SPTBN1: variants seen among roughly 807,000 people sequenced by gnomAD.
SPTBN1 encodes the protein spectrin beta, non-erythrocytic 1.
SPTBN1 carries 32 observed loss-of-function variants against 266.4 expected under a neutral mutation model. That is an observed-to-expected ratio of 0.12 (90% CI 0.09 to 0.16). The LOEUF (loss-of-function observed/expected upper bound fraction) is 0.16. SPTBN1 is among the 10% of genes least tolerant of loss of function. The pLI, the probability that SPTBN1 is intolerant of heterozygous loss-of-function variation, is 1.00. For missense variants in SPTBN1, 2,296 were observed against 3,067.1 expected (o/e 0.75, Z 5.94); for synonymous variants, 1,336 against 1,162.2 (o/e 1.15, Z -3.04).
At chr2:54,597,891 T>G (rs1676206575) in intron 2 of SPTBN1, among the ~76,000 whole-genome samples, 7 of 94,672 alleles carry the variant, frequency 7.4e-5, no homozygotes, top group Admixed American at 6.8e-4. Context: ...TTTTTTTTTG[T>G]AGATTCGTGT....
At chr2:54,652,063 A>G (rs1319288257) in intron 26 of SPTBN1, among the ~76,000 whole-genome samples, 2 of 152,088 alleles carry the variant, frequency 1.3e-5, no homozygotes, top group African/African-American at 4.8e-5. Flanking sequence ...AGACATCTAA[A>G]AGCTCTCATA....
intron 18 of SPTBN1, among the ~76,000 whole-genome samples, chr2:54,638,990 T>A (rs1679349948): frequency 3.3e-5 from 5 of 152,186 alleles, no homozygotes. Flanking sequence ...AGCAAAACCT[T>A]AAGAAGGAAA....
chr2:54,668,221 T>C, intron 35 of SPTBN1, 130 bp from the exon 36 acceptor site: 1 of 784,776 alleles, frequency 1.3e-6, no homozygotes, highest in Non-Finnish European at 2.1e-6. Context: ...GAGGTGCATT[T>C]GGGGACAGTG....
intron 26 of SPTBN1, 124 bp downstream of exon 26, chr2:54,650,113 A>C (rs926295114): frequency 2.4e-6 from 3 of 1,245,136 alleles, no homozygotes; most frequent in African/African-American, 1.5e-5. Flanking sequence ...AAGCACATAC[A>C]TGTACCCACT....
chr2:54,635,638 G>A (rs1679070813), intron 17 of SPTBN1, among the ~76,000 whole-genome samples: 1 of 152,232 alleles, frequency 6.6e-6, no homozygotes, highest in Non-Finnish European at 1.5e-5. Flanking sequence ...TTCCGTGAGA[G>A]GCGAGGATGT....
At chr2:54,531,219 G>A (rs1163679078) in intron 2 of SPTBN1, among the ~76,000 whole-genome samples, 5 of 152,292 alleles carry the variant, frequency 3.3e-5, no homozygotes, top group East Asian at 1.9e-4. Context: ...TACAGCCTGC[G>A]GCCTGGGACT....
Position 54,653,516 on chromosome 2 carries a change from C to T in SPTBN1, c.5578-93C>T. 2.6e-6 allele frequency: 4 copies of T among 1,533,458 alleles called. No homozygotes were observed. The highest frequency in any genetic ancestry group is 3.5e-6 in the Non-Finnish European group (4 of 1,147,540). 95.0% of individuals were successfully genotyped at this position (1,533,458 alleles called of 1,614,324 possible). On this transcript the variant is annotated intron_variant, in intron 26 of 35. Coordinates refer to ENST00000356805, the MANE Select transcript of SPTBN1 (RefSeq NM_003128.3). This position sits in a 1 kb window ranked among gnomAD's most constrained non-coding sequence, Gnocchi z 5.1. ...GGGCCATATTTTGACTCTGTGCTCCCTTTAGTGTATGAGCAGAACAGAATA... is the reference window on the plus strand; with the variant it reads ...GGGCCATATTTTGACTCTGTGCTCCTTTTAGTGTATGAGCAGAACAGAATA...
chr2:54,568,910 C>T (rs888439365), intron 2 of SPTBN1, among the ~76,000 whole-genome samples: 1 of 152,182 alleles, frequency 6.6e-6, no homozygotes, highest in African/African-American at 2.4e-5. Context: ...GTAGAATGAT[C>T]CTATATTAAA....
chr2:54,626,575 G>T lies in SPTBN1; in HGVS notation c.1644+341G>T, dbSNP rs1341608853. 1.3e-5 allele frequency among the ~76,000 whole-genome samples: 2 copies of T among 152,134 alleles called. No individual in the cohort carries two copies. The highest frequency in any genetic ancestry group is 2.4e-5 in the African/African-American group (1 of 41,414). ...CGTTTCATTGATCTGTGAGTGAGTG[G>T]TACTACTTTGGGCAGGGGTCCCGGA... is the stretch of plus-strand genomic sequence containing the variant. On this transcript the variant is annotated intron_variant, in intron 12 of 35. Transcript: ENST00000356805. The surrounding 1 kb of genome is among the most constrained non-coding windows in gnomAD (Gnocchi z 4.7).
At chr2:54,477,347 T>C (rs1159804088) in intron 1 of SPTBN1, among the ~76,000 whole-genome samples, 1 of 151,882 alleles carries the variant, frequency 6.6e-6, no homozygotes, top group Non-Finnish European at 1.5e-5. Context: ...TGGGTAAAAC[T>C]TGATAAAGAC....
At chr2:54,602,293 G>A (rs1362044081) in intron 3 of SPTBN1, among the ~76,000 whole-genome samples, 1 of 152,192 alleles carries the variant, frequency 6.6e-6, no homozygotes, top group East Asian at 1.9e-4. Context: ...TGGCCACTTA[G>A]TAATTAGACC....
chr2:54,666,237 G>A (rs979924797), intron 34 of SPTBN1, 149 bp downstream of exon 34: 34 of 873,474 alleles, frequency 3.9e-5, no homozygotes, highest in Non-Finnish European at 4.9e-5. Flanking sequence ...AGTTTGGCAC[G>A]TGTCTCGGTT....
rs78035955 is a variant in SPTBN1, at chr2:54,504,307, A to G, written c.-47-22065A>G. On this transcript the variant is annotated intron_variant, in intron 1 of 35. Transcript: ENST00000356805. ...AAAAACCTTTTGGATTTTCATATCTATTTAGCTAGTAGGAATATTTCCTCC... is the reference window on the plus strand; with the variant it reads ...AAAAACCTTTTGGATTTTCATATCTGTTTAGCTAGTAGGAATATTTCCTCC... 1.6e-3 allele frequency among the ~76,000 whole-genome samples: 243 copies of G among 152,288 alleles called. 1 individual carries two copies. Among genetic ancestry groups the G allele is most frequent in the African/African-American group, 5.7e-3 (238 of 41,548 alleles).
Position 54,580,515 on chromosome 2 carries a change from A to G in SPTBN1, c.149-18577A>G, listed in dbSNP as rs143935921. On this transcript the variant is annotated intron_variant, in intron 2 of 35. Transcript: ENST00000356805. ...ACAGGTCTTGTGAATTGGGAAGACCACTAGTATTGCCATTAGCTGCTTATT... is the reference window on the plus strand; with the variant it reads ...ACAGGTCTTGTGAATTGGGAAGACCGCTAGTATTGCCATTAGCTGCTTATT... Among the ~76,000 whole-genome samples the G allele has an allele frequency of 1.3e-3, 205 of 152,200 alleles. 4 individuals are homozygous for G. In the South Asian group the frequency reaches 0.036, roughly 27 times the overall value.
intron 2 of SPTBN1, among the ~76,000 whole-genome samples, chr2:54,556,318 CT>C (rs1208745265): frequency 1.3e-5 from 2 of 152,220 alleles, no homozygotes; most frequent in African/African-American, 4.8e-5. Context: ...TGTGTTCACT[CT>C]GCCTGGTTCA....
At chr2:54,599,339 T>C in intron 3 of SPTBN1, 96 bp downstream of exon 3, 3 of 1,430,496 alleles carry the variant, frequency 2.1e-6, no homozygotes, top group Non-Finnish European at 2.9e-6. Context: ...CTGCACTTAA[T>C]GGTTGATAGT....
At chr2:54,572,358 A>G (rs973870383) in intron 2 of SPTBN1, among the ~76,000 whole-genome samples, 1 of 152,216 alleles carries the variant, frequency 6.6e-6, no homozygotes, top group African/African-American at 2.4e-5. Flanking sequence ...CCATTCTTCT[A>G]GGTGTGGCAG....
rs1678329918 is a variant in SPTBN1 at position 54,626,354 on chromosome 2, A to C, written c.1644+120A>C. 1.4e-5 allele frequency: 17 copies of C among 1,242,298 alleles called. 1 individual carries two copies. The highest frequency in any genetic ancestry group is 1.9e-5 in the Non-Finnish European group (17 of 908,708). The allele number at this position is 1,242,298 out of a possible 1,614,324, so 77.0% of individuals were successfully genotyped here. A position where few individuals can be genotyped will look rare whatever the true frequency, so the allele number is the denominator to read the frequency against. ...GCCTTGTCTAACTGCCCACATGTAC[A>C]GCTAGAGAGGAGCCACATCACCCAT... On this transcript the variant is annotated intron_variant, in intron 12 of 35. Transcript: ENST00000356805. This position sits in a 1 kb window ranked among gnomAD's most constrained non-coding sequence, Gnocchi z 4.7.
At chr2:54,633,849 G>T (rs1678933557) in intron 17 of SPTBN1, among the ~76,000 whole-genome samples, 2 of 152,192 alleles carry the variant, frequency 1.3e-5, no homozygotes, top group Non-Finnish European at 2.9e-5. Flanking sequence ...TTGAGCTCCT[G>T]TCTTTACCAC....
Sources: allele counts gnomAD v4.1 joint callset (sites outside exome capture counted in the v4.1 genomes callset), GRCh38; gene constraint gnomAD v4.1.1; non-coding constraint Gnocchi (gnomAD v3.1); transcripts MANE v1.5; gene names NCBI Gene and HGNC (gene_info 2026-07-23, HGNC 2026-07-21).